TLN2: variants seen among roughly 807,000 people sequenced by gnomAD.
TLN2 encodes the protein talin-2.
In TLN2, 118 loss-of-function variants were observed where a neutral mutation model predicts 294.7. The ratio of observed to expected loss-of-function variants is 0.40; its 90% CI spans 0.34 to 0.47. The LOEUF (loss-of-function observed/expected upper bound fraction) is 0.47, where lower values mean the gene tolerates loss of function less well. Ranked by LOEUF, TLN2 falls within the 20% of genes least tolerant of loss-of-function variation. The probability of loss-of-function intolerance (pLI) is 0.84; values close to 1 mark genes in which losing one functional copy is unlikely to be tolerated. For synonymous variants in TLN2, 1,431 were observed against 1,304.5 expected (o/e 1.10, Z -2.09); for missense variants, 3,083 against 3,282.2 (o/e 0.94, Z 1.48).
At chr15:62,474,134 C>T (rs1402755664) in intron 1 of TLN2, among the ~76,000 whole-genome samples, 1 of 152,156 alleles carries the variant, frequency 6.6e-6, no homozygotes, top group Non-Finnish European at 1.5e-5. Flanking sequence ...AATTGTACAG[C>T]ATTCAGAGAG....
chr15:62,582,440 C>A (rs1425242421), intron 1 of TLN2, among the ~76,000 whole-genome samples: 1 of 152,142 alleles, frequency 6.6e-6, no homozygotes, highest in African/African-American at 2.4e-5. Flanking sequence ...AGCTCACAGT[C>A]TGTGGCGAAA....
intron 1 of TLN2, among the ~76,000 whole-genome samples, chr15:62,408,199 G>A (rs1020393372): frequency 4.6e-5 from 7 of 152,082 alleles, no homozygotes; most frequent in Non-Finnish European, 1.0e-4. Flanking sequence ...AGAGGGTGTG[G>A]CCTTAGATAA....
At chr15:62,407,857 G>A (rs1024670301) in intron 1 of TLN2, among the ~76,000 whole-genome samples, 5 of 152,094 alleles carry the variant, frequency 3.3e-5, no homozygotes, top group Admixed American at 6.6e-5. Flanking sequence ...AGAGGTTATG[G>A]TGAGCTAAGA....
chr15:62,671,258 C>T (rs1368678112), intron 9 of TLN2, among the ~76,000 whole-genome samples: 3 of 152,090 alleles, frequency 2.0e-5, no homozygotes, highest in African/African-American at 7.2e-5. Context: ...ATGGTGGTAT[C>T]TGCAATTTAA....
chr15:62,453,758 T>C (rs1307820765), intron 1 of TLN2: 1 of 152,298 alleles, frequency 6.6e-6, no homozygotes, highest in East Asian at 1.9e-4. Flanking sequence ...CCGGGCAGCA[T>C]TGAATCCCTC....
chr15:62,399,984 T>G (rs144576024), intron 1 of TLN2, among the ~76,000 whole-genome samples: 3 of 152,164 alleles, frequency 2.0e-5, no homozygotes, highest in African/African-American at 7.2e-5. Flanking sequence ...TGGAATGATA[T>G]GGTTTGGCTG....
At chr15:62,613,512 A>G (rs1223626535) in intron 2 of TLN2, among the ~76,000 whole-genome samples, 1 of 152,156 alleles carries the variant, frequency 6.6e-6, no homozygotes, top group Non-Finnish European at 1.5e-5. Context: ...GGGAAACAGT[A>G]CGGCAGTTTC....
chr15:62,638,502 T>A, intron 3 of TLN2: 1 of 456,028 alleles, frequency 2.2e-6, no homozygotes, highest in South Asian at 1.5e-5. Flanking sequence ...AGGACTCTAA[T>A]GAACCGTGTG....
chr15:62,632,542 A>G (rs528476058), intron 3 of TLN2, among the ~76,000 whole-genome samples: 1 of 152,168 alleles, frequency 6.6e-6, no homozygotes, highest in Admixed American at 6.5e-5. Flanking sequence ...GCAGCAGCTG[A>G]TCTACTACAT....
intron 1 of TLN2, among the ~76,000 whole-genome samples, chr15:62,416,197 G>A (rs2034072593): frequency 6.6e-6 from 1 of 152,206 alleles, no homozygotes; most frequent in Non-Finnish European, 1.5e-5. Flanking sequence ...TACTTGGGAA[G>A]CTGAGGCAGG....
chr15:62,616,289 C>T (rs1337840430), intron 2 of TLN2, among the ~76,000 whole-genome samples: 1 of 152,118 alleles, frequency 6.6e-6, no homozygotes, highest in Non-Finnish European at 1.5e-5. Flanking sequence ...TGTATATGCT[C>T]TTATGTCATG....
At chr15:62,822,083 C>T (rs1043932956) in intron 54 of TLN2, among the ~76,000 whole-genome samples, 2 of 152,302 alleles carry the variant, frequency 1.3e-5, no homozygotes, top group South Asian at 2.1e-4. Context: ...ATTCTAAGAG[C>T]TCCTGTTTCA....
chr15:62,463,952 A>G (rs2036963659), intron 1 of TLN2, among the ~76,000 whole-genome samples: 1 of 152,244 alleles, frequency 6.6e-6, no homozygotes, highest in Non-Finnish European at 1.5e-5. Context: ...ATGTGAAGAA[A>G]TAGGAATGTT....
chr15:62,554,455 A>T (rs1003025459), intron 1 of TLN2, among the ~76,000 whole-genome samples: 1 of 151,394 alleles, frequency 6.6e-6, no homozygotes, highest in Non-Finnish European at 1.5e-5. Flanking sequence ...AGACAATGAA[A>T]ACGCTACTGG....
intron 1 of TLN2, among the ~76,000 whole-genome samples, chr15:62,520,500 A>G (rs1329649544): frequency 6.6e-6 from 1 of 152,200 alleles, no homozygotes; most frequent in Non-Finnish European, 1.5e-5. Flanking sequence ...AGAAAAGATA[A>G]CCTTGATAGC....
chr15:62,646,918 G>A (rs1354266254), intron 3 of TLN2, among the ~76,000 whole-genome samples: 1 of 152,124 alleles, frequency 6.6e-6, no homozygotes, highest in East Asian at 1.9e-4. Flanking sequence ...TCTGCCTCTT[G>A]CCTTGAGGAC....
chr15:62,558,069 T>G (rs977402480), intron 1 of TLN2, among the ~76,000 whole-genome samples: 6 of 152,354 alleles, frequency 3.9e-5, no homozygotes, highest in South Asian at 4.1e-4. Context: ...CTAAGTGGAA[T>G]TATATCTGAA....
chr15:62,765,761 G>A (rs1038141359), intron 40 of TLN2, among the ~76,000 whole-genome samples: 1 of 152,196 alleles, frequency 6.6e-6, no homozygotes, highest in Non-Finnish European at 1.5e-5. Flanking sequence ...GAAAGGTCTT[G>A]AGGGCACCGT....
intron 44 of TLN2, 151 bp downstream of exon 44, chr15:62,781,392 G>C (rs1445489941): frequency 3.3e-6 from 2 of 606,616 alleles, no homozygotes; most frequent in Non-Finnish European, 5.8e-6. Flanking sequence ...TTTATCTGTG[G>C]TCTTTCTGGC....
Sources: allele counts gnomAD v4.1 joint callset (sites outside exome capture counted in the v4.1 genomes callset), GRCh38; gene constraint gnomAD v4.1.1; transcripts MANE v1.5; gene names NCBI Gene and HGNC (gene_info 2026-07-23, HGNC 2026-07-21).